The following ROBO1 variants were observed in gnomAD, a reference collection of about 807,000 sequenced individuals.
The protein encoded by ROBO1 is roundabout guidance receptor 1.
Under a neutral mutation model 195.9 loss-of-function variants are expected in ROBO1, and 149 were observed. That is an observed-to-expected ratio of 0.76 (90% CI 0.67 to 0.87). ROBO1 has a LOEUF of 0.87. ROBO1 is among the 40% of genes least tolerant of loss of function. The pLI, the probability that ROBO1 is intolerant of heterozygous loss-of-function variation, is 0.00. For synonymous variants in ROBO1, 816 were observed against 733.2 expected, an observed-to-expected ratio of 1.11 and a Z score of -1.82; for missense variants, 1,933 against 2,068.3, an observed-to-expected ratio of 0.93 and a Z score of 1.27.
At chr3:78,721,694 T>C (rs1279502403) in intron 5 of ROBO1, among the ~76,000 whole-genome samples, 1 of 152,164 alleles carries the variant, frequency 6.6e-6, no homozygotes, top group Non-Finnish European at 1.5e-5. Flanking sequence ...AGAAAAATTG[T>C]GAGTCAAAGG....
intron 2 of ROBO1, among the ~76,000 whole-genome samples, chr3:79,584,661 ATACACG>A (rs1943770735): frequency 6.8e-6 from 1 of 147,806 alleles, no homozygotes; most frequent in South Asian, 2.1e-4. Flanking sequence ...ACACACACAC[ATACACG>A]TACACACATA....
intron 2 of ROBO1, among the ~76,000 whole-genome samples, chr3:79,310,484 G>A (rs904860610): frequency 1.3e-5 from 2 of 152,258 alleles, no homozygotes; most frequent in Admixed American, 6.5e-5. Flanking sequence ...GAAGTGCTGA[G>A]AGCTTTCTCT....
intron 4 of ROBO1, among the ~76,000 whole-genome samples, chr3:78,931,976 A>G (rs2039556993): frequency 6.6e-6 from 1 of 152,150 alleles, no homozygotes; most frequent in African/African-American, 2.4e-5. Flanking sequence ...TCCTGTCTCA[A>G]AAATAAAAAA....
chr3:79,004,263 A>G (rs993500058), intron 3 of ROBO1, among the ~76,000 whole-genome samples: 1 of 152,024 alleles, frequency 6.6e-6, no homozygotes, highest in Non-Finnish European at 1.5e-5. Context: ...TTCTTCTTTC[A>G]TGTGTTCATT....
intron 8 of ROBO1, among the ~76,000 whole-genome samples, chr3:78,711,348 C>CTCCTTTCTTTCTTCCTTCCTTCCTTCCT (rs1575992298): frequency 7.3e-5 from 4 of 54,704 alleles, no homozygotes; most frequent in Non-Finnish European, 1.3e-4. Context: ...TCCTTCCTTC[C>CTCCTTTCTTTCTTCCTTCCTTCCTTCCT]TCCTTCCTTC....
At chr3:79,655,616 AT>A (rs1289824329) in intron 1 of ROBO1, among the ~76,000 whole-genome samples, 1 of 152,008 alleles carries the variant, frequency 6.6e-6, no homozygotes, top group Non-Finnish European at 1.5e-5. Flanking sequence ...CATTCCATGT[AT>A]TTTTTTAAAT....
At chr3:79,064,469 A>G (rs1302747848) in intron 3 of ROBO1, among the ~76,000 whole-genome samples, 1 of 151,880 alleles carries the variant, frequency 6.6e-6, no homozygotes, top group Non-Finnish European at 1.5e-5. Context: ...TTTTTCCTGT[A>G]CTTCACCCTG....
At chr3:79,482,718 A>G (rs185779995) in intron 2 of ROBO1, among the ~76,000 whole-genome samples, 3 of 152,314 alleles carry the variant, frequency 2.0e-5, no homozygotes, top group Non-Finnish European at 2.9e-5. Flanking sequence ...GTGCAAAATA[A>G]ATGGGTAAGC....
chr3:79,001,831 T>C (rs550714441), intron 3 of ROBO1, among the ~76,000 whole-genome samples: 17 of 152,140 alleles, frequency 1.1e-4, no homozygotes, highest in Non-Finnish European at 2.2e-4. Flanking sequence ...ATTACATTTA[T>C]GGAAAAAATA....
chr3:78,916,573 A>AG (rs1345719954), intron 4 of ROBO1, among the ~76,000 whole-genome samples: 3 of 151,654 alleles, frequency 2.0e-5, no homozygotes, highest in Admixed American at 2.0e-4. Context: ...AAAAAAAAAA[A>AG]GAAAAAAATG....
intron 2 of ROBO1, 132 bp from the exon 3 acceptor site, chr3:79,125,671 G>A (rs751876560): frequency 8.7e-6 from 6 of 686,064 alleles, no homozygotes; most frequent in South Asian, 5.1e-5. Flanking sequence ...CACACAGCAC[G>A]CTTCATCCTT....
intron 2 of ROBO1, among the ~76,000 whole-genome samples, chr3:79,138,968 T>C (rs979913584): frequency 3.3e-5 from 5 of 151,862 alleles, no homozygotes; most frequent in Non-Finnish European, 7.4e-5. Context: ...TATTCTATTT[T>C]TGAATCTCCA....
chr3:78,799,535 G>T (rs560163576), intron 4 of ROBO1, among the ~76,000 whole-genome samples: 2 of 152,074 alleles, frequency 1.3e-5, no homozygotes, highest in South Asian at 4.1e-4. Flanking sequence ...TAGAGACGGG[G>T]TTTCACCGTG....
At chr3:79,745,536 G>A (rs1014353855) in intron 1 of ROBO1, among the ~76,000 whole-genome samples, 4 of 152,186 alleles carry the variant, frequency 2.6e-5, no homozygotes, top group Admixed American at 6.6e-5. Flanking sequence ...TGTGGAGCCA[G>A]ACACAGCTAG....
At chr3:78,816,027 ATTCTATTTTAAAAAGT>A (rs927896390) in intron 4 of ROBO1, among the ~76,000 whole-genome samples, 4 of 152,164 alleles carry the variant, frequency 2.6e-5, no homozygotes, top group African/African-American at 9.6e-5. Context: ...ACAAAACAGC[ATTCTATTTTAAAAAGT>A]TGCCATCCAA....
chr3:78,701,119 T>C (rs2081410296), intron 8 of ROBO1, among the ~76,000 whole-genome samples: 2 of 152,234 alleles, frequency 1.3e-5, no homozygotes, highest in African/African-American at 4.8e-5. Flanking sequence ...GATGACTTGT[T>C]TGTAATTTTA....
At chr3:79,280,806 G>C (rs1365386252) in intron 2 of ROBO1, among the ~76,000 whole-genome samples, 1 of 152,084 alleles carries the variant, frequency 6.6e-6, no homozygotes, top group Non-Finnish European at 1.5e-5. Context: ...AACCTACATT[G>C]CTCGCATGCG....
chr3:79,246,813 G>A (rs2082632295), intron 2 of ROBO1, among the ~76,000 whole-genome samples: 1 of 151,938 alleles, frequency 6.6e-6, no homozygotes, highest in South Asian at 2.1e-4. Flanking sequence ...GTTCTAGGGA[G>A]AATTAAACCA....
chr3:78,964,045 CCT>C (rs1315594407), intron 3 of ROBO1, among the ~76,000 whole-genome samples: 2 of 152,060 alleles, frequency 1.3e-5, no homozygotes, highest in South Asian at 4.2e-4. Flanking sequence ...ATTTGCTCCA[CCT>C]CTCTCTCTCC....
Sources: gnomAD v4.1 joint callset for allele counts (sites outside exome capture counted in the v4.1 genomes callset) on GRCh38, gnomAD v4.1.1 for gene constraint, MANE v1.5 for transcripts, NCBI Gene and HGNC (gene_info 2026-07-23, HGNC 2026-07-21) for gene names.